Variants in ERBIN observed in about 807,000 individuals in gnomAD.
ERBIN encodes erbb2 interacting protein.
In ERBIN, 60 loss-of-function variants were observed where a neutral mutation model predicts 158.4. The observed-to-expected ratio is 0.38, with a 90% CI of 0.31 to 0.47. ERBIN has a LOEUF of 0.47. ERBIN is among the 20% of genes least tolerant of loss of function. The pLI is 0.99. For missense variants in ERBIN, 1,610 were observed against 1,648.0 expected (o/e 0.98, Z 0.40); for synonymous variants, 594 against 557.2 (o/e 1.07, Z -0.93).
intron 2 of ERBIN, among the ~76,000 whole-genome samples, chr5:65,989,558 T>A (rs922199440): frequency 3.9e-5 from 6 of 152,216 alleles, no homozygotes; most frequent in Non-Finnish European, 8.8e-5. Context: ...TTTCTGTTTG[T>A]CTGTCTGCAA....
intron 21 of ERBIN, among the ~76,000 whole-genome samples, chr5:66,063,157 G>A (rs1561446560): frequency 6.6e-6 from 1 of 152,206 alleles, no homozygotes; most frequent in African/African-American, 2.4e-5. Context: ...ACCGAGGCAC[G>A]CAGGCCTCCT....
chr5:66,003,023 A>G (rs1393203048), intron 4 of ERBIN, among the ~76,000 whole-genome samples: 1 of 152,264 alleles, frequency 6.6e-6, no homozygotes, highest in Non-Finnish European at 1.5e-5. Flanking sequence ...GTGCCCTACC[A>G]TAGCGTAGGC....
Position 66,063,382 on chromosome 5 carries a change from G to A in ERBIN, c.3633+8431G>A, listed in dbSNP as rs554217267. On this transcript the variant is annotated intron_variant, in intron 21 of 25. Coordinates refer to ENST00000284037, the MANE Select transcript of ERBIN (RefSeq NM_001253697.2). Reference sequence around the variant, plus strand: ...TCCTGGTGTGCGGTTTGTTAAGCCCGTTGGAAAAGCGCAGTATTAGGGCAG... The same window carrying A: ...TCCTGGTGTGCGGTTTGTTAAGCCCATTGGAAAAGCGCAGTATTAGGGCAG... Among the ~76,000 whole-genome samples the A allele has an allele frequency of 1.9e-4, 29 of 152,290 alleles. No individual in the cohort carries two copies. In the East Asian group the frequency reaches 2.9e-3, roughly 15 times the overall value.
At chr5:66,009,654 A>G (rs1033579816) in intron 4 of ERBIN, among the ~76,000 whole-genome samples, 5 of 152,164 alleles carry the variant, frequency 3.3e-5, no homozygotes, top group Admixed American at 3.3e-4. Context: ...TTCTAAGTAA[A>G]AAGAATGTCT....
chr5:66,080,878 G>T lies in ERBIN; in HGVS notation c.*2348G>T, dbSNP rs9291855. The T allele has an allele frequency of 4.6e-5, 7 of 151,930 alleles. No homozygotes were observed. The highest frequency in any genetic ancestry group is 2.0e-4 in the Admixed American group (3 of 15,274). 9.4% of individuals were successfully genotyped at this position (151,930 alleles called of 1,614,324 possible). A position where few individuals can be genotyped will look rare whatever the true frequency, so the allele number is the denominator to read the frequency against. On this transcript the variant is annotated 3_prime_UTR_variant, in exon 26 of 26. Transcript: ENST00000284037. ...GTATTCTTGCAACACATAAAGTTGC[G>T]TAAGAAACTTTACCAAGAGGAGTAT...
At chr5:65,994,984 A>G (rs1312059094) in intron 4 of ERBIN, 120 bp downstream of exon 4, 2 of 636,820 alleles carry the variant, frequency 3.1e-6, no homozygotes, top group Non-Finnish European at 5.4e-6. Flanking sequence ...ATTAATATGA[A>G]CTTCATCTAA....
chr5:66,060,769 C>G (rs58396879), intron 21 of ERBIN, among the ~76,000 whole-genome samples: 11,869 of 151,954 alleles, frequency 0.078, 711 homozygotes, highest in East Asian at 0.27. Flanking sequence ...CAAAGAACAT[C>G]TTTTTTTTCT....
intron 21 of ERBIN, among the ~76,000 whole-genome samples, chr5:66,069,569 G>A (rs1761343463): frequency 2.0e-5 from 3 of 152,168 alleles, no homozygotes. Context: ...TTCCTTAGTA[G>A]TGAAGAAGAA....
At chr5:65,991,698 A>G (rs1038688057) in intron 2 of ERBIN, among the ~76,000 whole-genome samples, 5 of 152,198 alleles carry the variant, frequency 3.3e-5, no homozygotes, top group Admixed American at 1.3e-4. Context: ...GAATTAACCT[A>G]TGTATATACA....
chr5:65,943,277 C>T (rs1745295235), intron 1 of ERBIN, among the ~76,000 whole-genome samples: 1 of 152,220 alleles, frequency 6.6e-6, no homozygotes, highest in Non-Finnish European at 1.5e-5. Flanking sequence ...TGGGAATACT[C>T]TCTAATCAGG....
At chr5:66,005,414 G>C (rs1753479203) in intron 4 of ERBIN, among the ~76,000 whole-genome samples, 1 of 152,098 alleles carries the variant, frequency 6.6e-6, no homozygotes, top group African/African-American at 2.4e-5. Context: ...GGGGTCTGGA[G>C]TTTAGTAAAG....
intron 1 of ERBIN, among the ~76,000 whole-genome samples, chr5:65,963,327 A>G (rs1748129232): frequency 2.6e-5 from 4 of 152,232 alleles, no homozygotes; most frequent in Admixed American, 2.6e-4. Flanking sequence ...AACCAAACAA[A>G]TGGAATTCTC....
intron 17 of ERBIN, among the ~76,000 whole-genome samples, chr5:66,045,226 G>GA (rs1176559843): frequency 4.6e-5 from 7 of 151,768 alleles, no homozygotes; most frequent in African/African-American, 1.5e-4. Context: ...CTCAAAAAAA[G>GA]AAAAAATGTG....
chr5:66,013,373 A>G (rs1180962269), intron 5 of ERBIN, among the ~76,000 whole-genome samples, 176 bp from the exon 6 acceptor site: 1 of 152,198 alleles, frequency 6.6e-6, no homozygotes, highest in Non-Finnish European at 1.5e-5. Flanking sequence ...GATACATTGA[A>G]ACAAGTAGGT....
rs1219853526 is a variant in ERBIN at position 65,979,367 on chromosome 5, C to G, written c.-57-9268C>G. Among the ~76,000 whole-genome samples, 3 of 152,200 alleles carry G rather than the reference C, an allele frequency of 2.0e-5. No homozygotes were observed. The East Asian group carries it at 5.8e-4, about 29-fold the overall frequency. The stretch of plus-strand genomic sequence containing the variant: ...ACTTGAACCTGGGAGGTTGAGGCTG[C>G]AGTGAGCTGAGGTTGTGCCAGTGCA... On this transcript the variant is annotated intron_variant, in intron 1 of 25. Coordinates refer to ENST00000284037, the MANE Select transcript of ERBIN (RefSeq NM_001253697.2).
chr5:66,065,349 T>G (rs763094465), intron 21 of ERBIN, among the ~76,000 whole-genome samples: 2 of 118,260 alleles, frequency 1.7e-5, no homozygotes, highest in Non-Finnish European at 4.3e-5. Flanking sequence ...TCCAATTCAG[T>G]GATATGTACA....
chr5:66,081,204 T>C lies in ERBIN; in HGVS notation c.*2674T>C, dbSNP rs573172870. On this transcript the variant is annotated 3_prime_UTR_variant, in exon 26 of 26. Transcript: ENST00000284037. ...AGTAAAAAAATAATACTGATCAGAG[T>C]AATTTATACGGCATACAATAGTTGA... The C allele has an allele frequency of 6.6e-6, 1 of 152,086 alleles. No homozygotes were observed. The highest frequency in any genetic ancestry group is 2.1e-4 in the South Asian group (1 of 4,824). The allele number at this position is 152,086 out of a possible 1,614,324, so 9.4% of individuals were successfully genotyped here.
In ERBIN at chr5:66,039,991, C is replaced by T. The variant is rs1000314818; in HGVS notation, c.1306+1509C>T. Among the ~76,000 whole-genome samples the T allele has an allele frequency of 2.0e-5, 3 of 151,992 alleles. No individual in the cohort carries two copies. The South Asian group carries it at 6.2e-4, about 31-fold the overall frequency. On this transcript the variant is annotated intron_variant, in intron 15 of 25. Coordinates refer to ENST00000284037, the MANE Select transcript of ERBIN (RefSeq NM_001253697.2). The stretch of plus-strand genomic sequence containing the variant: ...CTGGCAGAGAGCAAGAAATAGTTAT[C>T]CTATAGAAGGTAAAGAGTTTTCTAA...
intron 1 of ERBIN, among the ~76,000 whole-genome samples, chr5:65,943,970 A>G (rs192376814): frequency 4.6e-5 from 7 of 152,342 alleles, no homozygotes; most frequent in Admixed American, 4.6e-4. Context: ...GTTTCAGCAT[A>G]TGTCAGAATT....
Sources: allele counts gnomAD v4.1 joint callset (sites outside exome capture counted in the v4.1 genomes callset), GRCh38; gene constraint gnomAD v4.1.1; transcripts MANE v1.5; gene names NCBI Gene and HGNC (gene_info 2026-07-23, HGNC 2026-07-21).